The following HSPA4 variants were observed in gnomAD, a reference collection of about 807,000 sequenced individuals.
HSPA4 encodes the protein heat shock 70 kDa protein 4.
HSPA4 carries 25 observed loss-of-function variants against 106.2 expected under a neutral mutation model. The ratio of observed to expected loss-of-function variants is 0.24; its 90% CI spans 0.17 to 0.33. The LOEUF (loss-of-function observed/expected upper bound fraction) is 0.33. Among genes scored for constraint, HSPA4 ranks in the 10% least tolerant of loss-of-function variants. The probability of loss-of-function intolerance (pLI) is 1.00; values close to 1 mark genes in which losing one functional copy is unlikely to be tolerated. For synonymous variants in HSPA4, 332 were observed against 333.6 expected, an observed-to-expected ratio of 1.00 and a Z score of 0.05; for missense variants, 841 against 996.0, an observed-to-expected ratio of 0.84 and a Z score of 2.10.
chr5:133,104,113 A>G, intron 18 of HSPA4, 87 bp downstream of exon 18: 1 of 1,413,274 alleles, frequency 7.1e-7, no homozygotes, highest in South Asian at 1.3e-5. Context: ...GAACTTTATT[A>G]TAGTGTTTTA....
chr5:133,090,961 G>T (rs1262654533), intron 11 of HSPA4: 1 of 573,716 alleles, frequency 1.7e-6, no homozygotes, highest in Non-Finnish European at 3.2e-6. Context: ...GAAAGAATCG[G>T]GAGATATTTG....
intron 6 of HSPA4, among the ~76,000 whole-genome samples, chr5:133,074,452 A>G (rs918537775): frequency 7.9e-5 from 12 of 151,884 alleles, no homozygotes; most frequent in Admixed American, 2.6e-4. Flanking sequence ...CTAATTTTGT[A>G]TTTTTAGTAG....
intron 16 of HSPA4, among the ~76,000 whole-genome samples, 192 bp downstream of exon 16, chr5:133,099,844 T>C: frequency 6.6e-6 from 1 of 152,196 alleles, no homozygotes; most frequent in East Asian, 1.9e-4. Flanking sequence ...ATGATTTTTC[T>C]GAAAATTGAC....
rs552028711 is a variant in HSPA4, at chr5:133,055,598, T to C, written c.107+3241T>C. Among the ~76,000 whole-genome samples the C allele has an allele frequency of 1.9e-3, 296 of 152,226 alleles. 3 individuals are homozygous for C. Among genetic ancestry groups the C allele is most frequent in the African/African-American group, 6.6e-3 (273 of 41,536 alleles). Reference sequence around the variant, plus strand: ...TATCAGATGTTGAGTGCCTCTGATGTGGTAGCCATTTTTCTAAGCACTGGA... The same window carrying C: ...TATCAGATGTTGAGTGCCTCTGATGCGGTAGCCATTTTTCTAAGCACTGGA... On this transcript the variant is annotated intron_variant, in intron 1 of 18. Coordinates refer to ENST00000304858, the MANE Select transcript of HSPA4 (RefSeq NM_002154.4).
At position 133,097,432 on chromosome 5, in the gene HSPA4, T is replaced by A. The variant is rs554695960; in HGVS notation, c.1929+146T>A. 92 of 558,178 alleles carry A rather than the reference T, an allele frequency of 1.6e-4. No homozygotes were observed. In the South Asian group the frequency reaches 2.4e-3, roughly 14 times the overall value. The allele number at this position is 558,178 out of a possible 1,614,324, so 34.6% of individuals were successfully genotyped here. Reference sequence around the variant, plus strand: ...GGGGGGGCAAAATTTTATATTTTTTTATATATTTCTCTATTAGTACAGTGT... The same window carrying A: ...GGGGGGGCAAAATTTTATATTTTTTAATATATTTCTCTATTAGTACAGTGT... On this transcript the variant is annotated intron_variant, in intron 15 of 18. Transcript: ENST00000304858.
intron 3 of HSPA4, among the ~76,000 whole-genome samples, chr5:133,068,330 A>G (rs1465858199): frequency 6.6e-6 from 1 of 152,102 alleles, no homozygotes; most frequent in African/African-American, 2.4e-5. Context: ...TCTGTGAAGT[A>G]TGCAGTGAAC....
Position 133,105,819 on chromosome 5 carries a change from T to C in HSPA4, c.*1383T>C, listed in dbSNP as rs1765850259. 1 of 152,048 alleles carries C rather than the reference T, an allele frequency of 6.6e-6. No homozygotes were observed. The allele number at this position is 152,048 out of a possible 1,614,324, so 9.4% of individuals were successfully genotyped here. A position where few individuals can be genotyped will look rare whatever the true frequency, so the allele number is the denominator to read the frequency against. ...TCCATCTCTAGATAACATTGAAAAG[T>C]TTGAGTGTTACAGGCTCTAAAGTGC... On this transcript the variant is annotated 3_prime_UTR_variant, in exon 19 of 19. Coordinates refer to ENST00000304858, the MANE Select transcript of HSPA4 (RefSeq NM_002154.4).
intron 7 of HSPA4, among the ~76,000 whole-genome samples, chr5:133,081,204 C>T (rs747158455): frequency 9.2e-5 from 14 of 152,168 alleles, no homozygotes; most frequent in Non-Finnish European, 1.6e-4. Flanking sequence ...GGGGCCACCA[C>T]GCCCAGCTAA....
intron 7 of HSPA4, among the ~76,000 whole-genome samples, chr5:133,082,918 C>T (rs1309172570): frequency 1.3e-5 from 2 of 151,716 alleles, no homozygotes; most frequent in East Asian, 1.9e-4. Context: ...GGTGGATCAC[C>T]TGAGTTCAGG....
In HSPA4 at chr5:133,089,730, A is replaced by AG. The variant is rs1347587349; in HGVS notation, c.1378+35_1378+36insG. 2.0e-6 allele frequency: 3 copies of AG among 1,477,814 alleles called. No homozygotes were observed. The African/African-American group carries it at 4.3e-5, about 21-fold the overall frequency. The allele number at this position is 1,477,814 out of a possible 1,614,324, so 91.5% of individuals were successfully genotyped here. A position where few individuals can be genotyped will look rare whatever the true frequency, so the allele number is the denominator to read the frequency against. On this transcript the variant is annotated intron_variant, in intron 11 of 18. Transcript: ENST00000304858. ...GAGTTGGAAATTAAAAAAGAAAAAA[A>AG]AAAAAAAGCACAGTGGCTCACAACT...
At chr5:133,052,381 C>G (rs1310357492) in intron 1 of HSPA4, 24 bp downstream of exon 1, 2 of 1,413,190 alleles carry the variant, frequency 1.4e-6, no homozygotes, top group Admixed American at 2.1e-5. Context: ...GGGCCTGCCG[C>G]GTGCACTGGG....
chr5:133,083,797 A>G (rs1263896841), intron 7 of HSPA4, among the ~76,000 whole-genome samples: 1 of 152,116 alleles, frequency 6.6e-6, no homozygotes, highest in Non-Finnish European at 1.5e-5. Flanking sequence ...TCAGTCTCCC[A>G]AAGTGCTGGG....
chr5:133,078,293 C>T (rs994946949), intron 7 of HSPA4, among the ~76,000 whole-genome samples: 4 of 150,726 alleles, frequency 2.7e-5, no homozygotes, highest in Non-Finnish European at 5.9e-5. Flanking sequence ...GATCGCACCA[C>T]TGCACTCCAG....
chr5:133,073,970 T>C, intron 5 of HSPA4, 23 bp from the exon 6 acceptor site: 2 of 1,528,986 alleles, frequency 1.3e-6, no homozygotes, highest in Non-Finnish European at 1.8e-6. Context: ...TTATTTTTAA[T>C]TTTTGTGTTT....
chr5:133,084,025 G>C lies in HSPA4; in HGVS notation c.909-2757G>C, dbSNP rs774396000. Among the ~76,000 whole-genome samples the C allele has an allele frequency of 2.6e-5, 4 of 152,252 alleles. No homozygotes were observed. In the South Asian group the frequency reaches 8.3e-4, roughly 32 times the overall value. On this transcript the variant is annotated intron_variant, in intron 7 of 18. Transcript: ENST00000304858. ...CTCAGGTTTTAAGTGCTCATTTGCT[G>C]AGTTTCAACATACACATATATCTTT...
At chr5:133,059,430 A>G (rs967213459) in intron 1 of HSPA4, among the ~76,000 whole-genome samples, 32 of 149,664 alleles carry the variant, frequency 2.1e-4, no homozygotes, top group African/African-American at 7.9e-4. Context: ...CTGGGTGACA[A>G]GAGTGAGACT....
intron 16 of HSPA4, among the ~76,000 whole-genome samples, chr5:133,100,040 TTTTATTTATTTATTA>T (rs1561587275): frequency 6.6e-6 from 1 of 151,736 alleles, no homozygotes; most frequent in African/African-American, 2.4e-5. Flanking sequence ...TTTTTTATTA[TTTTATTTATTTATTA>T]TTTATTTATT....
chr5:133,099,732 T>C (rs565512481), intron 16 of HSPA4, 80 bp downstream of exon 16: 4 of 656,946 alleles, frequency 6.1e-6, no homozygotes, highest in African/African-American at 5.3e-5. Context: ...GGAGGAATTC[T>C]CAAGTAAAGA....
chr5:133,055,783 A>T (rs2126691197), intron 1 of HSPA4, among the ~76,000 whole-genome samples: 1 of 152,212 alleles, frequency 6.6e-6, no homozygotes, highest in African/African-American at 2.4e-5. Context: ...GTCTAATTTA[A>T]ATTGGATGGA....
Sources: allele counts gnomAD v4.1 joint callset (sites outside exome capture counted in the v4.1 genomes callset), GRCh38; gene constraint gnomAD v4.1.1; transcripts MANE v1.5; gene names NCBI Gene and HGNC (gene_info 2026-07-23, HGNC 2026-07-21).